Variants in ADCY2 observed in about 807,000 individuals in gnomAD.
ADCY2 encodes the protein adenylate cyclase type 2.
Under a neutral mutation model 125.2 loss-of-function variants are expected in ADCY2, and 31 were observed. The ratio of observed to expected loss-of-function variants is 0.25; its 90% CI spans 0.19 to 0.33. The LOEUF is 0.33. ADCY2 is among the 10% of genes least tolerant of loss of function. The pLI, the probability that ADCY2 is intolerant of heterozygous loss-of-function variation, is 1.00. For synonymous variants in ADCY2, 512 were observed against 548.4 expected, an observed-to-expected ratio of 0.93 and a Z score of 0.93; for missense variants, 904 against 1,418.2, an observed-to-expected ratio of 0.64 and a Z score of 5.82.
chr5:7,565,107 A>G (rs1056583176), intron 3 of ADCY2, among the ~76,000 whole-genome samples: 6 of 152,224 alleles, frequency 3.9e-5, no homozygotes, highest in African/African-American at 7.2e-5. Flanking sequence ...ATAAACGCAC[A>G]TGGGCTGTAA....
chr5:7,592,410 AC>A (rs756190913), intron 3 of ADCY2, among the ~76,000 whole-genome samples: 6 of 152,160 alleles, frequency 3.9e-5, no homozygotes, highest in Non-Finnish European at 7.4e-5. Flanking sequence ...ATGTTTCAGC[AC>A]CTATAGGCAA....
At chr5:7,794,967 C>T (rs1214499246) in intron 20 of ADCY2, 1 of 152,074 alleles carries the variant, frequency 6.6e-6, no homozygotes, top group African/African-American at 2.4e-5. Context: ...AAGCAGAAGC[C>T]CTACCCCTTA....
chr5:7,640,843 T>G (rs1404572352), intron 4 of ADCY2, among the ~76,000 whole-genome samples: 3 of 152,166 alleles, frequency 2.0e-5, no homozygotes, highest in Non-Finnish European at 4.4e-5. Flanking sequence ...TCTTTACCCT[T>G]GAAACAGAGG....
chr5:7,654,005 C>T (rs545792859), intron 4 of ADCY2: 11 of 454,534 alleles, frequency 2.4e-5, no homozygotes, highest in East Asian at 2.1e-4. Context: ...TGGAGCCACA[C>T]GTCTAGAGGT....
intron 3 of ADCY2, among the ~76,000 whole-genome samples, chr5:7,544,161 C>T (rs1355866552): frequency 6.6e-6 from 1 of 152,154 alleles, no homozygotes; most frequent in Non-Finnish European, 1.5e-5. Flanking sequence ...AGAACATTAG[C>T]TCCCCATGGA....
At chr5:7,817,098 C>G (rs1032600728) in intron 23 of ADCY2, 118 bp downstream of exon 23, 1 of 726,670 alleles carries the variant, frequency 1.4e-6, no homozygotes, top group African/African-American at 1.8e-5. Flanking sequence ...AAATGCATCC[C>G]GTTGCAAGAC....
At position 7,599,130 on chromosome 5, in the gene ADCY2, C is replaced by T. The variant is rs1423485095; in HGVS notation, c.571-27037C>T. Reference sequence around the variant, plus strand: ...GCCCCCGGGGACAGATGGATTTGTACAGGGACAGCCCAGGAGCAGCTGGAT... The same window carrying T: ...GCCCCCGGGGACAGATGGATTTGTATAGGGACAGCCCAGGAGCAGCTGGAT... On this transcript the variant is annotated intron_variant, in intron 3 of 24. Transcript: ENST00000338316. Among the ~76,000 whole-genome samples, 7 of 152,004 alleles carry T rather than the reference C, an allele frequency of 4.6e-5. No individual in the cohort carries two copies. In the South Asian group the frequency reaches 1.5e-3, roughly 32 times the overall value.
At chr5:7,562,255 A>G (rs186181841) in intron 3 of ADCY2, among the ~76,000 whole-genome samples, 34 of 152,080 alleles carry the variant, frequency 2.2e-4, no homozygotes, top group African/African-American at 7.7e-4. Flanking sequence ...ATGACATGGT[A>G]TAATTATATT....
chr5:7,591,418 C>T (rs1042879021), intron 3 of ADCY2, among the ~76,000 whole-genome samples: 3 of 152,224 alleles, frequency 2.0e-5, no homozygotes, highest in Non-Finnish European at 4.4e-5. Flanking sequence ...AACATACAGT[C>T]GGGAAACTTA....
At chr5:7,758,220 C>A (rs1206695322) in intron 16 of ADCY2, among the ~76,000 whole-genome samples, 3 of 152,208 alleles carry the variant, frequency 2.0e-5, no homozygotes, top group Admixed American at 1.3e-4. Context: ...GTGTTCCCAC[C>A]ACACTTAGGA....
intron 3 of ADCY2, among the ~76,000 whole-genome samples, chr5:7,589,494 G>GA (rs1199372927): frequency 1.7e-5 from 1 of 58,234 alleles, no homozygotes; most frequent in Non-Finnish European, 4.3e-5. Context: ...AAGAAAGAAA[G>GA]AAAGAAAGAA....
chr5:7,408,918 A>G (rs1465925732), intron 1 of ADCY2, among the ~76,000 whole-genome samples: 1 of 152,212 alleles, frequency 6.6e-6, no homozygotes, highest in African/African-American at 2.4e-5. Context: ...TATTATAAAG[A>G]CACATTTATG....
chr5:7,447,521 A>G (rs932360405), intron 2 of ADCY2, among the ~76,000 whole-genome samples: 4 of 152,062 alleles, frequency 2.6e-5, no homozygotes, highest in African/African-American at 7.2e-5. Flanking sequence ...TGGTCAGGTA[A>G]TCTCCACACC....
intron 2 of ADCY2, among the ~76,000 whole-genome samples, chr5:7,503,437 T>A (rs1490350507): frequency 1.3e-5 from 2 of 152,178 alleles, no homozygotes; most frequent in Non-Finnish European, 2.9e-5. Context: ...AGATGATTAT[T>A]AATATATTTG....
intron 3 of ADCY2, among the ~76,000 whole-genome samples, chr5:7,579,456 C>A (rs1192529629): frequency 2.6e-5 from 4 of 151,474 alleles, no homozygotes; most frequent in Non-Finnish European, 5.9e-5. Context: ...GAGAGAACAG[C>A]CAATACTGCA....
intron 2 of ADCY2, among the ~76,000 whole-genome samples, chr5:7,470,971 C>T (rs2126456336): frequency 6.6e-6 from 1 of 151,834 alleles, no homozygotes; most frequent in East Asian, 1.9e-4. Context: ...ATGTTTGTTT[C>T]TTATGCCTTC....
chr5:7,431,565 A>C (rs1740603717), intron 2 of ADCY2, among the ~76,000 whole-genome samples: 1 of 152,018 alleles, frequency 6.6e-6, no homozygotes, highest in African/African-American at 2.4e-5. Context: ...ATTTTATGAA[A>C]GTTGCTTTGA....
At chr5:7,744,190 G>A (rs1742527599) in intron 15 of ADCY2, among the ~76,000 whole-genome samples, 1 of 152,052 alleles carries the variant, frequency 6.6e-6, no homozygotes, top group Non-Finnish European at 1.5e-5. Context: ...ATGGACACAG[G>A]GAGGGGAACA....
chr5:7,678,211 A>G (rs1740200652), intron 4 of ADCY2, among the ~76,000 whole-genome samples: 1 of 152,138 alleles, frequency 6.6e-6, no homozygotes, highest in South Asian at 2.1e-4. Flanking sequence ...GCTGCAGTTT[A>G]TAAGTTATTC....
Sources: allele counts gnomAD v4.1 joint callset (sites outside exome capture counted in the v4.1 genomes callset), GRCh38; gene constraint gnomAD v4.1.1; transcripts MANE v1.5; gene names NCBI Gene and HGNC (gene_info 2026-07-23, HGNC 2026-07-21).